SCAI: variants seen among roughly 807,000 people sequenced by gnomAD.
SCAI encodes suppressor of cancer cell invasion.
A neutral mutation model predicts 92.2 loss-of-function variants in SCAI; 24 were observed. That is an observed-to-expected ratio of 0.26 (90% CI 0.19 to 0.37). The LOEUF (loss-of-function observed/expected upper bound fraction) is 0.37. SCAI is among the 10% of genes least tolerant of loss of function. SCAI has a pLI of 1.00. For synonymous variants in SCAI, 261 were observed against 258.6 expected (o/e 1.01, Z -0.09); for missense variants, 450 against 736.2 (o/e 0.61, Z 4.50).
intron 3 of SCAI, among the ~76,000 whole-genome samples, chr9:125,037,356 T>C (rs983904983): frequency 6.6e-6 from 1 of 151,048 alleles, no homozygotes; most frequent in Non-Finnish European, 1.5e-5. Context: ...GAGAGTATCA[T>C]TTGAGCCAAG....
chr9:125,033,463 TAACAACAACAAC>T (rs201793470), intron 3 of SCAI, among the ~76,000 whole-genome samples: 1 of 151,628 alleles, frequency 6.6e-6, no homozygotes, highest in East Asian at 1.9e-4. Flanking sequence ...AAATAAGGTA[TAACAACAACAAC>T]AACAACAACA....
At chr9:124,957,546 A>G (rs1224137108) in intron 17 of SCAI, among the ~76,000 whole-genome samples, 1 of 113,430 alleles carries the variant, frequency 8.8e-6, no homozygotes, top group South Asian at 2.8e-4. Flanking sequence ...TTTTTTTTGT[A>G]TTTTTAGTAA....
intron 17 of SCAI, among the ~76,000 whole-genome samples, chr9:124,966,300 T>C (rs182290957): frequency 0.019 from 2,906 of 150,032 alleles, 84 homozygotes; most frequent in African/African-American, 0.067. Context: ...ATTGTTCAAT[T>C]CCCACCTATG....
intron 2 of SCAI, among the ~76,000 whole-genome samples, chr9:125,131,877 C>T (rs889933880): frequency 2.6e-5 from 4 of 152,098 alleles, no homozygotes; most frequent in African/African-American, 7.2e-5. Flanking sequence ...CCTTCAGAAC[C>T]TGTTTCTCAG....
chr9:125,074,258 CA>C (rs1160696426), intron 2 of SCAI, among the ~76,000 whole-genome samples: 25,848 of 84,714 alleles, frequency 0.31, 2,894 homozygotes, highest in Middle Eastern at 0.39. Context: ...GACTCCATAT[CA>C]AAAAAAAAAA....
At chr9:125,120,691 TCAAA>T (rs774688693) in intron 2 of SCAI, among the ~76,000 whole-genome samples, 13 of 152,016 alleles carry the variant, frequency 8.6e-5, no homozygotes, top group Non-Finnish European at 1.3e-4. Context: ...AGACTCCATC[TCAAA>T]CAAACAAACA....
chr9:125,046,101 G>A (rs972654005), intron 3 of SCAI, among the ~76,000 whole-genome samples: 1 of 145,828 alleles, frequency 6.9e-6, no homozygotes, highest in Non-Finnish European at 1.5e-5. Context: ...AAAGATACCT[G>A]CACACACATG....
At chr9:124,991,521 A>G (rs1292854189) in intron 14 of SCAI, among the ~76,000 whole-genome samples, 1 of 151,950 alleles carries the variant, frequency 6.6e-6, no homozygotes, top group Admixed American at 6.6e-5. Context: ...ATAATACATC[A>G]GTTACCCAGT....
chr9:125,093,810 C>T (rs1834491762), intron 2 of SCAI, among the ~76,000 whole-genome samples: 1 of 152,056 alleles, frequency 6.6e-6, no homozygotes, highest in Non-Finnish European at 1.5e-5. Flanking sequence ...ATGATCTGCC[C>T]TCCTCGGCCT....
chr9:125,127,838 T>C (rs888956453), intron 2 of SCAI, among the ~76,000 whole-genome samples: 4 of 151,914 alleles, frequency 2.6e-5, no homozygotes, highest in African/African-American at 9.7e-5. Flanking sequence ...CAAAACTCTG[T>C]CTCTATTAAA....
intron 9 of SCAI, among the ~76,000 whole-genome samples, chr9:125,007,710 G>A (rs1397280481): frequency 6.6e-6 from 1 of 152,026 alleles, no homozygotes; most frequent in Non-Finnish European, 1.5e-5. Context: ...CCAGGCTGAA[G>A]TGTGTGGCAC....
At chr9:124,982,754 T>TAATTTTG (rs1831913315) in intron 14 of SCAI, among the ~76,000 whole-genome samples, 1 of 146,640 alleles carries the variant, frequency 6.8e-6, no homozygotes, top group South Asian at 2.2e-4. Flanking sequence ...GAAAAGGAAA[T>TAATTTTG]AATTTTGATA....
intron 2 of SCAI, among the ~76,000 whole-genome samples, chr9:125,131,113 A>G (rs1835390936): frequency 6.6e-6 from 1 of 151,670 alleles, no homozygotes; most frequent in South Asian, 2.1e-4. Flanking sequence ...ATTTTTTTAA[A>G]AAATTATTAG....
chr9:125,046,119 T>C (rs1218277633), intron 3 of SCAI, among the ~76,000 whole-genome samples: 1 of 142,964 alleles, frequency 7.0e-6, no homozygotes. Context: ...ATGGTTATAA[T>C]GGCACAATTT....
chr9:125,039,769 G>A (rs1188423264), intron 3 of SCAI, among the ~76,000 whole-genome samples: 1 of 152,138 alleles, frequency 6.6e-6, no homozygotes, highest in Non-Finnish European at 1.5e-5. Context: ...AAGCTCTAAT[G>A]TGCATTTTTC....
chr9:125,066,101 T>A, intron 2 of SCAI: 1 of 703,874 alleles, frequency 1.4e-6, no homozygotes, highest in Non-Finnish European at 2.6e-6. Context: ...ATATAAGCTG[T>A]TATTATTTGT....
In SCAI at chr9:124,971,758, G is replaced by A. The variant is rs761266346; in HGVS notation, c.1486C>T (p.Arg496Cys). 5.0e-6 allele frequency: 8 copies of A among 1,612,104 alleles called. No individual in the cohort carries two copies. Among genetic ancestry groups the A allele is most frequent in the Middle Eastern group, 1.7e-4 (1 of 6,060 alleles). Residue 496 changes from arginine (R) to cysteine (C), a missense_variant, in exon 16 of 18, where the codon CGC (arginine) becomes TGC (cysteine). By Grantham distance (180) the Arg-to-Cys change is radical. Coordinates refer to ENST00000336505, the MANE Select transcript of SCAI (RefSeq NM_001144877.3). Reference sequence around the variant, plus strand: ...TGACACTTTTCCCATAGGCCTCTGCGCATGCTTGACAATCCAGAGACAAAT... The same window carrying A: ...TGACACTTTTCCCATAGGCCTCTGCACATGCTTGACAATCCAGAGACAAAT... ...FLFVSGLSSM[R>C]RGLWEKCQEY... is the part of the protein sequence containing the mutation.
intron 2 of SCAI, among the ~76,000 whole-genome samples, chr9:125,080,214 C>T (rs1834182754): frequency 6.6e-6 from 1 of 152,156 alleles, no homozygotes. Flanking sequence ...ATAAGGTAGG[C>T]ACTGTCACCA....
At chr9:125,075,841 A>G (rs1232670748) in intron 2 of SCAI, among the ~76,000 whole-genome samples, 1 of 152,130 alleles carries the variant, frequency 6.6e-6, no homozygotes, top group African/African-American at 2.4e-5. Flanking sequence ...CTGGGATTAT[A>G]GGCGTGAGCC....
Sources: allele counts gnomAD v4.1 joint callset (sites outside exome capture counted in the v4.1 genomes callset), GRCh38; gene constraint gnomAD v4.1.1; transcripts MANE v1.5; gene names NCBI Gene and HGNC (gene_info 2026-07-23, HGNC 2026-07-21).